The following AIG1 variants were observed in gnomAD, a reference collection of about 807,000 sequenced individuals.
The protein encoded by AIG1 is androgen induced 1.
A neutral mutation model predicts 31.4 loss-of-function variants in AIG1; 23 were observed. The observed-to-expected ratio is 0.73, with a 90% CI of 0.53 to 1.04. The LOEUF (loss-of-function observed/expected upper bound fraction) is 1.04. Ranked by LOEUF, AIG1 falls within the 50% of genes least tolerant of loss-of-function variation. AIG1 has a pLI of 0.00. For missense variants in AIG1, 274 were observed against 295.0 expected (o/e 0.93, Z 0.52); for synonymous variants, 100 against 110.5 (o/e 0.90, Z 0.60).
Position 143,163,031 on chromosome 6 carries a change from T to C in AIG1, c.298-2051T>C, listed in dbSNP as rs201895049. On this transcript the variant is annotated intron_variant, in intron 2 of 5. Coordinates refer to ENST00000357847, the MANE Select transcript of AIG1 (RefSeq NM_016108.4). ...AAACTTATATGTGCATAAGATCTTA[T>C]TGAAATGCAGGATCAGAGCAGATCA... Among the ~76,000 whole-genome samples the C allele has an allele frequency of 3.9e-4, 60 of 152,284 alleles. 1 individual carries two copies. In the East Asian group the frequency reaches 0.01, roughly 26 times the overall value.
intron 3 of AIG1, among the ~76,000 whole-genome samples, chr6:143,196,833 A>C (rs1790279525): frequency 6.6e-6 from 1 of 152,214 alleles, no homozygotes; most frequent in South Asian, 2.1e-4. Context: ...TCTTACTGGC[A>C]ATAAAAAAAA....
At chr6:143,083,684 T>C (rs189792850) in intron 1 of AIG1, among the ~76,000 whole-genome samples, 116 of 152,302 alleles carry the variant, frequency 7.6e-4, no homozygotes, top group African/African-American at 2.7e-3. Context: ...TTTTAGGTCC[T>C]TAACAATCTT....
intron 2 of AIG1, among the ~76,000 whole-genome samples, chr6:143,156,685 A>G (rs1383010804): frequency 6.6e-6 from 1 of 152,218 alleles, no homozygotes; most frequent in African/African-American, 2.4e-5. Flanking sequence ...TTCCCCTGTT[A>G]GGAAGTAAGG....
At chr6:143,144,285 A>C (rs9496530) in intron 2 of AIG1, among the ~76,000 whole-genome samples, 4,226 of 152,296 alleles carry the variant, frequency 0.028, 156 homozygotes, top group African/African-American at 0.079. Context: ...TATTTGTGGG[A>C]CCATGGAGCC....
intron 2 of AIG1, among the ~76,000 whole-genome samples, chr6:143,158,130 A>T (rs541051453): frequency 1.3e-5 from 2 of 152,278 alleles, no homozygotes; most frequent in South Asian, 2.1e-4. Flanking sequence ...GGATGGTGAC[A>T]TAAAGCTTGG....
Position 143,293,057 on chromosome 6 carries a change from A to T in AIG1, c.515+8832A>T, listed in dbSNP as rs747688618. Among the ~76,000 whole-genome samples, 29 of 152,136 alleles carry T rather than the reference A, an allele frequency of 1.9e-4. No homozygotes were observed. Among genetic ancestry groups the T allele is most frequent in the Non-Finnish European group, 4.0e-4 (27 of 68,032 alleles). On this transcript the variant is annotated intron_variant, in intron 4 of 5. Transcript: ENST00000357847. The surrounding 1 kb of genome is among the most constrained non-coding windows in gnomAD (Gnocchi z 4.8). ...CATTGTTACCACCTTTAAAATGGGA[A>T]AGAATGCCTGCCTCACAGAGTTGTG...
chr6:143,246,800 T>C (rs1794652184), intron 3 of AIG1, among the ~76,000 whole-genome samples: 1 of 152,200 alleles, frequency 6.6e-6, no homozygotes, highest in South Asian at 2.1e-4. Flanking sequence ...GAACTAACTG[T>C]GAAATTAGAA....
At position 143,223,842 on chromosome 6, in the gene AIG1, G is replaced by A. The variant is rs1382687970; in HGVS notation, c.399+58659G>A. Among the ~76,000 whole-genome samples, 4 of 152,036 alleles carry A rather than the reference G, an allele frequency of 2.6e-5. No individual in the cohort carries two copies. In the East Asian group the frequency reaches 5.8e-4, roughly 22 times the overall value. ...AATAACTATTTTTTATAAATAAATT[G>A]TGATTTATTTTAAATTAAATTACTG... On this transcript the variant is annotated intron_variant, in intron 3 of 5. Coordinates refer to ENST00000357847, the MANE Select transcript of AIG1 (RefSeq NM_016108.4).
At chr6:143,230,666 A>G (rs1793379056) in intron 3 of AIG1, among the ~76,000 whole-genome samples, 1 of 151,742 alleles carries the variant, frequency 6.6e-6, no homozygotes, top group Admixed American at 6.6e-5. Context: ...AATAATATAT[A>G]TGTATCAAAC....
At chr6:143,281,693 T>C (rs1010152321) in intron 3 of AIG1, among the ~76,000 whole-genome samples, 3 of 152,178 alleles carry the variant, frequency 2.0e-5, no homozygotes, top group Non-Finnish European at 4.4e-5. Context: ...TAATTTATGT[T>C]TGTTAATACG....
At chr6:143,205,076 T>C (rs1490728584) in intron 3 of AIG1, among the ~76,000 whole-genome samples, 10 of 152,196 alleles carry the variant, frequency 6.6e-5, no homozygotes, top group Non-Finnish European at 1.2e-4. Context: ...TGTTCAATGC[T>C]CTTTGTGTAC....
chr6:143,234,080 A>G (rs192406328), intron 3 of AIG1, among the ~76,000 whole-genome samples: 36 of 152,254 alleles, frequency 2.4e-4, no homozygotes, highest in East Asian at 3.9e-4. Context: ...ACGGCAGGCA[A>G]TGATACTCTG....
At chr6:143,062,099 C>T (rs1028863326) in intron 1 of AIG1, among the ~76,000 whole-genome samples, 1 of 152,214 alleles carries the variant, frequency 6.6e-6, no homozygotes, top group Non-Finnish European at 1.5e-5. Context: ...GTTGACCCTC[C>T]ATTCTGATGA....
chr6:143,211,864 G>A (rs967259124), intron 3 of AIG1, among the ~76,000 whole-genome samples: 1 of 151,776 alleles, frequency 6.6e-6, no homozygotes, highest in Non-Finnish European at 1.5e-5. Context: ...CTGCACTCCT[G>A]TGTGGGCAAC....
At chr6:143,271,391 G>A (rs907563940) in intron 3 of AIG1, among the ~76,000 whole-genome samples, 15 of 152,120 alleles carry the variant, frequency 9.9e-5, no homozygotes, top group African/African-American at 3.6e-4. Flanking sequence ...GATTATAACG[G>A]GTTCTCATAA....
At chr6:143,140,034 A>G (rs889796021) in intron 2 of AIG1, among the ~76,000 whole-genome samples, 2 of 152,176 alleles carry the variant, frequency 1.3e-5, no homozygotes, top group African/African-American at 4.8e-5. Flanking sequence ...GGTTTAATTG[A>G]CTCACAGTTT....
chr6:143,328,488 G>A lies in AIG1; in HGVS notation c.516-4794G>A, dbSNP rs1776788849. Among the ~76,000 whole-genome samples, 1 of 152,150 alleles carries A rather than the reference G, an allele frequency of 6.6e-6. No homozygotes were observed. Among genetic ancestry groups the A allele is most frequent in the Non-Finnish European group, 1.5e-5 (1 of 68,008 alleles). ...TGGGGAATAATCCCTGTGTACCCATGGCACGCCTACACTTACCCTTTCTTA... is the reference window on the plus strand; with the variant it reads ...TGGGGAATAATCCCTGTGTACCCATAGCACGCCTACACTTACCCTTTCTTA... On this transcript the variant is annotated intron_variant, in intron 4 of 5. Coordinates refer to ENST00000357847, the MANE Select transcript of AIG1 (RefSeq NM_016108.4). This position sits in a 1 kb window ranked among gnomAD's most constrained non-coding sequence, Gnocchi z 4.0.
At chr6:143,341,328 C>T (rs1777846790), downstream of AIG1, among the ~76,000 whole-genome samples, 1 of 152,188 alleles carries the variant, frequency 6.6e-6, no homozygotes, top group Non-Finnish European at 1.5e-5. Context: ...TCCATCACAA[C>T]TACATGTATC....
chr6:143,060,837 G>T, upstream of AIG1: 1 of 712,860 alleles, frequency 1.4e-6, no homozygotes, highest in Non-Finnish European at 1.6e-6. Flanking sequence ...GCCCGCGCCC[G>T]GGTTCCCACG....
Sources: gnomAD v4.1 joint callset for allele counts (sites outside exome capture counted in the v4.1 genomes callset) on GRCh38, gnomAD v4.1.1 for gene constraint, Gnocchi (gnomAD v3.1) non-coding constraint, MANE v1.5 for transcripts, NCBI Gene and HGNC (gene_info 2026-07-23, HGNC 2026-07-21) for gene names.